Variants in MBP observed in about 807,000 individuals in gnomAD.
The protein encoded by MBP is Golli-MBP.
MBP carries 16 observed loss-of-function variants against 35.8 expected under a neutral mutation model. That is an observed-to-expected ratio of 0.45 (90% CI 0.30 to 0.68). The LOEUF is 0.68. Among genes scored for constraint, MBP ranks in the 30% least tolerant of loss-of-function variants. MBP has a pLI of 0.08. For synonymous variants in MBP, 143 were observed against 159.6 expected, an observed-to-expected ratio of 0.90 and a Z score of 0.78; for missense variants, 380 against 404.7, an observed-to-expected ratio of 0.94 and a Z score of 0.52.
intron 1 of MBP, among the ~76,000 whole-genome samples, chr18:77,123,966 G>T (rs1976963939): frequency 6.6e-6 from 1 of 152,242 alleles, no homozygotes; most frequent in South Asian, 2.1e-4. Context: ...CACCTGCACG[G>T]AGTCTGCGGG....
At chr18:77,107,196 T>C (rs1976307043) in intron 1 of MBP, among the ~76,000 whole-genome samples, 1 of 152,216 alleles carries the variant, frequency 6.6e-6, no homozygotes, top group African/African-American at 2.4e-5. Flanking sequence ...AGCTGGTCTA[T>C]TCAAAGCTAA....
At chr18:77,042,540 T>G (rs926581959) in intron 3 of MBP, among the ~76,000 whole-genome samples, 1 of 152,242 alleles carries the variant, frequency 6.6e-6, no homozygotes, top group Non-Finnish European at 1.5e-5. Context: ...TATTGCGGGA[T>G]AGACATGACC....
intron 2 of MBP, among the ~76,000 whole-genome samples, chr18:77,091,813 GAC>G (rs960567547): frequency 2.0e-5 from 3 of 151,306 alleles, no homozygotes; most frequent in Non-Finnish European, 1.5e-5. Flanking sequence ...ACACACCACA[GAC>G]ACACACCCGC....
At chr18:77,049,425 CT>C (rs1279845864) in intron 3 of MBP, among the ~76,000 whole-genome samples, 1 of 152,200 alleles carries the variant, frequency 6.6e-6, no homozygotes, top group Non-Finnish European at 1.5e-5. Context: ...TAGTCTGTTT[CT>C]TTTGGAATTT....
intron 2 of MBP, among the ~76,000 whole-genome samples, chr18:77,085,715 TGCTCTGTCACCCAG>T (rs1293875110): frequency 4.1e-5 from 6 of 147,136 alleles, no homozygotes; most frequent in African/African-American, 1.5e-4. Flanking sequence ...GACAGAGTCT[TGCTCTGTCACCCAG>T]GCTGGAGAGC....
chr18:77,074,342 G>A (rs1444110095), intron 2 of MBP, among the ~76,000 whole-genome samples: 1 of 151,310 alleles, frequency 6.6e-6, no homozygotes, highest in East Asian at 1.9e-4. Flanking sequence ...GTGAGCCCGG[G>A]TCTCAAGGGG....
chr18:77,081,856 ATTTTTT>A (rs67900283), intron 2 of MBP, among the ~76,000 whole-genome samples: 3,142 of 133,836 alleles, frequency 0.023, 164 homozygotes, highest in African/African-American at 0.081. Flanking sequence ...ATATATATAT[ATTTTTT>A]TTTTTTTGAG....
intron 3 of MBP, among the ~76,000 whole-genome samples, chr18:77,056,044 G>C (rs1973705529): frequency 6.6e-6 from 1 of 152,272 alleles, no homozygotes; most frequent in African/African-American, 2.4e-5. Context: ...CACTGACCGT[G>C]TGGATGAAGG....
At chr18:77,028,843 T>A (rs193076495) in intron 3 of MBP, among the ~76,000 whole-genome samples, 1,648 of 66,784 alleles carry the variant, frequency 0.025, 8 homozygotes, top group East Asian at 0.049. Flanking sequence ...CGCTCCTCAC[T>A]TCCCAGATGT....
chr18:76,981,535 T>C (rs1379808696), intron 8 of MBP: 2 of 152,206 alleles, frequency 1.3e-5, no homozygotes, highest in African/African-American at 4.8e-5. Flanking sequence ...CGTAGCATTA[T>C]AAACAAGCCT....
chr18:77,052,816 G>A (rs1266661368), intron 3 of MBP, among the ~76,000 whole-genome samples: 3 of 152,020 alleles, frequency 2.0e-5, no homozygotes, highest in Admixed American at 6.6e-5. Flanking sequence ...CTGAGTCCCC[G>A]AGCCCCCACT....
rs540359847 is a variant in MBP, at chr18:76,997,836, C to T, written c.577-7776G>A. Among the ~76,000 whole-genome samples the T allele has an allele frequency of 2.6e-4, 40 of 152,290 alleles. No individual in the cohort carries two copies. The East Asian group carries it at 3.7e-3, about 14-fold the overall frequency. On this transcript the variant is annotated intron_variant, in intron 4 of 8. Coordinates refer to ENST00000355994, the MANE Select transcript of MBP (RefSeq NM_001025101.2). ...TAGCTGGGACTAGAGGCTCCGCCAC[C>T]ACGCCCGGCTGATTTTTTTGTATTT...
At chr18:77,047,707 T>C (rs1025866064) in intron 3 of MBP, among the ~76,000 whole-genome samples, 5 of 152,208 alleles carry the variant, frequency 3.3e-5, no homozygotes, top group Admixed American at 2.0e-4. Context: ...TTTTGTTGCT[T>C]CGACACAACT....
chr18:77,041,529 G>A (rs1310966865), intron 3 of MBP, among the ~76,000 whole-genome samples: 17 of 152,000 alleles, frequency 1.1e-4, no homozygotes, highest in East Asian at 3.9e-4. Flanking sequence ...GAACCAACCC[G>A]AATGTCCAAC....
In MBP at chr18:77,071,684, C is replaced by T. The variant is rs1328076914; in HGVS notation, c.52-5299G>A. Among the ~76,000 whole-genome samples, 3 of 152,136 alleles carry T rather than the reference C, an allele frequency of 2.0e-5. No homozygotes were observed. In the East Asian group the frequency reaches 5.8e-4, roughly 29 times the overall value. ...CATCCTCAGTACCTTGCCACTCACCCACTTGTTCCCACCCATGCTTGCACC... is the reference window on the plus strand; with the variant it reads ...CATCCTCAGTACCTTGCCACTCACCTACTTGTTCCCACCCATGCTTGCACC... On this transcript the variant is annotated intron_variant, in intron 2 of 8. Transcript: ENST00000355994.
At chr18:77,066,498 A>G in intron 2 of MBP, 113 bp from the exon 3 acceptor site, 1 of 808,764 alleles carries the variant, frequency 1.2e-6, no homozygotes, top group Non-Finnish European at 2.2e-6. Flanking sequence ...TCAGTTTCAC[A>G]TCTGTTTTCA....
rs1299754942 is a variant in MBP at position 76,990,009 on chromosome 18, A to T, written c.628T>A (p.Ser210Thr). The change falls in exon 5 of 9, where the codon TCA becomes ACA. Residue 210 changes from serine to threonine, a missense_variant. Coordinates refer to ENST00000355994, the MANE Select transcript of MBP (RefSeq NM_001025101.2). ...TAHYGSLPQKSHGRTQDENPV... is the reference protein window; with the variant it reads ...TAHYGSLPQKTHGRTQDENPV... ...TTTTCATCTTGGGTCCGGCCGTGTG[A>T]CTTCTGGGGCAGGGAGCCGTAGTGA... 1 of 1,612,864 alleles carries T rather than the reference A, an allele frequency of 6.2e-7. No homozygotes were observed. The highest frequency in any genetic ancestry group is 8.5e-7 in the Non-Finnish European group (1 of 1,179,964).
At chr18:77,049,076 C>G (rs565629994) in intron 3 of MBP, among the ~76,000 whole-genome samples, 5 of 152,212 alleles carry the variant, frequency 3.3e-5, no homozygotes, top group African/African-American at 4.8e-5. Flanking sequence ...CCTGCCACCA[C>G]GCCCGGCTAA....
At chr18:77,132,124 T>C (rs1977299990) in intron 1 of MBP, among the ~76,000 whole-genome samples, 1 of 151,984 alleles carries the variant, frequency 6.6e-6, no homozygotes. Flanking sequence ...GAGTGGCCGC[T>C]TTTGACCGCC....
Sources: gnomAD v4.1 joint callset for allele counts (sites outside exome capture counted in the v4.1 genomes callset) on GRCh38, gnomAD v4.1.1 for gene constraint, MANE v1.5 for transcripts, NCBI Gene and HGNC (gene_info 2026-07-23, HGNC 2026-07-21) for gene names.